OTUD4: variants seen among roughly 807,000 people sequenced by gnomAD.
OTUD4 encodes the protein OTU deubiquitinase 4.
OTUD4 carries 24 observed loss-of-function variants against 130.4 expected under a neutral mutation model. The observed-to-expected ratio is 0.18, with a 90% confidence interval of 0.13 to 0.26. The LOEUF (loss-of-function observed/expected upper bound fraction) is 0.26. OTUD4 is among the 10% of genes least tolerant of loss of function. The pLI is 1.00. For missense variants in OTUD4, 1,031 were observed against 1,329.4 expected, an observed-to-expected ratio of 0.78 and a Z score of 3.49; for synonymous variants, 420 against 472.5, an observed-to-expected ratio of 0.89 and a Z score of 1.44.
At chr4:145,145,068 G>C (rs1164999929) in intron 14 of OTUD4, among the ~76,000 whole-genome samples, 1 of 152,084 alleles carries the variant, frequency 6.6e-6, no homozygotes, top group Non-Finnish European at 1.5e-5. Context: ...ACTATCAAAA[G>C]CAATCAGTAT....
intron 6 of OTUD4, among the ~76,000 whole-genome samples, chr4:145,160,127 T>C (rs1469084470): frequency 6.6e-6 from 1 of 152,200 alleles, no homozygotes; most frequent in Non-Finnish European, 1.5e-5. Flanking sequence ...AGCTTTAAGA[T>C]TGCTAGAAAG....
At chr4:145,164,316 G>T in intron 4 of OTUD4, 90 bp from the exon 5 acceptor site, 1 of 621,726 alleles carries the variant, frequency 1.6e-6, no homozygotes. Flanking sequence ...GGCCTAATAC[G>T]TGCCAGGCAC....
chr4:145,150,386 C>G (rs1296604333), intron 13 of OTUD4, 127 bp downstream of exon 13: 2 of 588,700 alleles, frequency 3.4e-6, no homozygotes, highest in Admixed American at 5.6e-5. Context: ...ACAAAATGCT[C>G]TTAATACTAA....
intron 7 of OTUD4, among the ~76,000 whole-genome samples, chr4:145,157,373 T>C (rs1022174419): frequency 1.3e-5 from 2 of 152,272 alleles, no homozygotes; most frequent in African/African-American, 2.4e-5. Flanking sequence ...GTTCTCATGA[T>C]AGTGAGTTCT....
At chr4:145,166,472 A>T (rs1471379134) in intron 3 of OTUD4, among the ~76,000 whole-genome samples, 2 of 152,076 alleles carry the variant, frequency 1.3e-5, no homozygotes, top group African/African-American at 4.8e-5. Flanking sequence ...TAAAATAATG[A>T]TGTCACTGGG....
chr4:145,180,248 CGAGA>C lies in OTUD4; in HGVS notation c.-279_-276del, dbSNP rs1325676621. 1 of 157,248 alleles carries C rather than the reference CGAGA, an allele frequency of 6.4e-6. No homozygotes were observed. Among genetic ancestry groups the C allele is most frequent in the Non-Finnish European group, 1.4e-5 (1 of 71,646 alleles). The allele number at this position is 157,248 out of a possible 1,614,324, so 9.7% of individuals were successfully genotyped here. On this transcript the variant is annotated 5_prime_UTR_variant, in exon 1 of 21. Coordinates refer to ENST00000447906, the MANE Select transcript of OTUD4 (RefSeq NM_001366057.1). ...GGGGGAGCGGGATTAAGGAAAACCC[CGAGA>C]GTGAGTAGTCACTTCCCGACGGCCT...
rs536679652 is a variant in OTUD4, at chr4:145,158,502, C to CA, written c.629+1000dup. Among the ~76,000 whole-genome samples the CA allele has an allele frequency of 4.2e-3, 572 of 135,870 alleles. 3 individuals are homozygous for CA. Among genetic ancestry groups the CA allele is most frequent in the African/African-American group, 0.011 (421 of 36,854 alleles). 89.1% of individuals were successfully genotyped at this position (135,870 alleles called of 152,430 possible). ...GATTCAAAAACAAAACAAAACAAAA[C>CA]AAAAAAAAACAAAAAAAAAACAAAT... On this transcript the variant is annotated intron_variant, in intron 7 of 20. Coordinates refer to ENST00000447906, the MANE Select transcript of OTUD4 (RefSeq NM_001366057.1).
Position 145,142,278 on chromosome 4 carries a change from C to T in OTUD4, c.1740G>A (p.Glu580=), listed in dbSNP as rs1398878661. The part of the protein sequence containing the change: ...SNPAPLLVSP[E]VHLTPAVPSL... ...AAGGCACCGCAGGAGTTAGATGTACCTCTGGAGAAACTAGAAGGGGAGCTG... is the reference window on the plus strand; with the variant it reads ...AAGGCACCGCAGGAGTTAGATGTACTTCTGGAGAAACTAGAAGGGGAGCTG... Residue 580 remains glutamate, a synonymous_variant, in exon 18 of 21, where the codon GAG becomes GAA. Transcript: ENST00000447906. 1 of 1,613,864 alleles carries T rather than the reference C, an allele frequency of 6.2e-7. No homozygotes were observed. Among genetic ancestry groups the T allele is most frequent in the Non-Finnish European group, 8.5e-7 (1 of 1,179,742 alleles).
At chr4:145,168,568 C>A (rs1751993651) in intron 3 of OTUD4, among the ~76,000 whole-genome samples, 1 of 151,972 alleles carries the variant, frequency 6.6e-6, no homozygotes, top group Non-Finnish European at 1.5e-5. Context: ...AACCTATGAA[C>A]AGACATTTCA....
At chr4:145,176,864 G>A (rs1039375861) in intron 1 of OTUD4, among the ~76,000 whole-genome samples, 1 of 152,226 alleles carries the variant, frequency 6.6e-6, no homozygotes, top group East Asian at 1.9e-4. Context: ...TGGACGCCTA[G>A]TATGTCCTAT....
rs143535686 is a variant in OTUD4, at chr4:145,150,594, G to C, written c.1178C>G (p.Ser393Cys). 7.7e-4 allele frequency: 1,243 copies of C among 1,613,514 alleles called. No individual in the cohort carries two copies. Among genetic ancestry groups the C allele is most frequent in the Non-Finnish European group, 9.9e-4 (1,166 of 1,179,492 alleles). ...AGACTGTGACCCTGAAGAATGACTA[G>C]AGAACGCATGTTGTCTTACTCCTGA... ...HPSGVRQHAF[S>C]SHSSGSQSQK... The change falls in exon 13 of 21, where the codon TCT (serine) becomes TGT (cysteine). Residue 393 changes from serine (S) to cysteine (C), a missense_variant. Physicochemically the swap from Ser to Cys is moderately radical, Grantham distance 112. Transcript: ENST00000447906.
At position 145,180,113 on chromosome 4, in the gene OTUD4, G is replaced by A. The variant is rs1752624180; in HGVS notation, c.-140C>T. On this transcript the variant is annotated 5_prime_UTR_variant, in exon 1 of 21. Transcript: ENST00000447906. ...TCCGCGAGCGGCGGCAGGCGGCGGCGGCCCGAGGCAGCGGTCCGCGCTCTC... is the reference window on the plus strand; with the variant it reads ...TCCGCGAGCGGCGGCAGGCGGCGGCAGCCCGAGGCAGCGGTCCGCGCTCTC... 3.9e-6 allele frequency: 2 copies of A among 509,848 alleles called. No individual in the cohort carries two copies. Among genetic ancestry groups the A allele is most frequent in the Non-Finnish European group, 5.3e-6 (2 of 380,946 alleles). The allele number at this position is 509,848 out of a possible 1,614,324, so 31.6% of individuals were successfully genotyped here. A position where few individuals can be genotyped will look rare whatever the true frequency, so the allele number is the denominator to read the frequency against.
At chr4:145,142,431 G>A (rs1750609692) in intron 17 of OTUD4, 97 bp from the exon 18 acceptor site, 1 of 1,016,304 alleles carries the variant, frequency 9.8e-7, no homozygotes, top group Non-Finnish European at 1.5e-6. Flanking sequence ...TGAGTTGCCT[G>A]CCTTTTATAC....
At chr4:145,175,355 G>C (rs1407593134) in intron 1 of OTUD4, among the ~76,000 whole-genome samples, 1 of 152,122 alleles carries the variant, frequency 6.6e-6, no homozygotes, top group African/African-American at 2.4e-5. Flanking sequence ...ATGTTGTGTG[G>C]TATCATCCCA....
chr4:145,148,517 G>A (rs1477456744), intron 13 of OTUD4, among the ~76,000 whole-genome samples: 1 of 151,164 alleles, frequency 6.6e-6, no homozygotes, highest in Non-Finnish European at 1.5e-5. Flanking sequence ...AAAAAAAACT[G>A]TTGATTAAAA....
At chr4:145,164,649 ACAT>A (rs1218389093) in intron 4 of OTUD4, among the ~76,000 whole-genome samples, 1 of 152,182 alleles carries the variant, frequency 6.6e-6, no homozygotes, top group Non-Finnish European at 1.5e-5. Context: ...TTGAGCACCA[ACAT>A]GACACTCAAA....
intron 7 of OTUD4, among the ~76,000 whole-genome samples, chr4:145,157,487 G>A (rs938677935): frequency 1.3e-5 from 2 of 151,940 alleles, no homozygotes; most frequent in Non-Finnish European, 2.9e-5. Flanking sequence ...TCAGGAGTTC[G>A]AGACCAGCCT....
intron 10 of OTUD4, among the ~76,000 whole-genome samples, chr4:145,154,647 G>A (rs1428362689): frequency 6.6e-6 from 1 of 152,130 alleles, no homozygotes; most frequent in Non-Finnish European, 1.5e-5. Flanking sequence ...ATCTTACCTA[G>A]GGTTTCTTCT....
chr4:145,177,066 A>AT lies in OTUD4; in HGVS notation c.160-2323dup, dbSNP rs1381170861. On this transcript the variant is annotated intron_variant, in intron 1 of 20. Transcript: ENST00000447906. Reference sequence around the variant, plus strand: ...TATATATAAAAATAACCACCGTAGAATTTTTTTGCCAATTCAACAAATGAC... The same window carrying AT: ...TATATATAAAAATAACCACCGTAGAATTTTTTTTGCCAATTCAACAAATGAC... 5.9e-5 allele frequency among the ~76,000 whole-genome samples: 9 copies of AT among 152,302 alleles called. No individual in the cohort carries two copies. The East Asian group carries it at 1.7e-3, about 29-fold the overall frequency.
Sources: gnomAD v4.1 joint callset for allele counts (sites outside exome capture counted in the v4.1 genomes callset) on GRCh38, gnomAD v4.1.1 for gene constraint, MANE v1.5 for transcripts, NCBI Gene and HGNC (gene_info 2026-07-23, HGNC 2026-07-21) for gene names.